The following CTNNA3 variants were observed in gnomAD, a reference collection of about 807,000 sequenced individuals.
The protein encoded by CTNNA3 is catenin alpha-3.
Under a neutral mutation model 95.7 loss-of-function variants are expected in CTNNA3, and 76 were observed. The ratio of observed to expected loss-of-function variants is 0.79; its 90% confidence interval spans 0.66 to 0.96. The LOEUF is 0.96. Among genes scored for constraint, CTNNA3 ranks in the 40% least tolerant of loss-of-function variants. CTNNA3 has a pLI of 0.00. For missense variants in CTNNA3, 1,191 were observed against 1,089.8 expected (o/e 1.09, Z -1.31); for synonymous variants, 431 against 374.4 (o/e 1.15, Z -1.74).
intron 7 of CTNNA3, among the ~76,000 whole-genome samples, chr10:67,064,378 G>T (rs906974985): frequency 2.0e-4 from 30 of 152,092 alleles, no homozygotes; most frequent in African/African-American, 6.7e-4. Flanking sequence ...CATATTTATT[G>T]CTAGTACTAG....
intron 7 of CTNNA3, among the ~76,000 whole-genome samples, chr10:66,989,750 T>C (rs963768427): frequency 5.3e-5 from 8 of 152,090 alleles, no homozygotes; most frequent in African/African-American, 1.7e-4. Flanking sequence ...CCTCAGAAAA[T>C]TCATTTTCAT....
chr10:67,511,471 G>A (rs1839626493), intron 5 of CTNNA3, among the ~76,000 whole-genome samples: 2 of 152,072 alleles, frequency 1.3e-5, no homozygotes, highest in South Asian at 4.1e-4. Flanking sequence ...TTTTGTAGTC[G>A]GTTCTGTTTA....
chr10:67,369,859 G>A (rs1395824355), intron 5 of CTNNA3, among the ~76,000 whole-genome samples: 1 of 152,134 alleles, frequency 6.6e-6, no homozygotes, highest in Non-Finnish European at 1.5e-5. Flanking sequence ...CCATGAGAAT[G>A]TAAATTAGTA....
intron 7 of CTNNA3, among the ~76,000 whole-genome samples, chr10:67,178,919 A>G (rs926768641): frequency 1.3e-5 from 2 of 152,046 alleles, no homozygotes; most frequent in South Asian, 2.1e-4. Context: ...TGTCTAGGAC[A>G]TGACAATACT....
At chr10:67,620,950 TAC>T (rs1217909763) in intron 2 of CTNNA3, among the ~76,000 whole-genome samples, 107 of 144,350 alleles carry the variant, frequency 7.4e-4, no homozygotes, top group African/African-American at 2.6e-3. Context: ...TATATATATA[TAC>T]AGAAATGTGG....
intron 1 of CTNNA3, among the ~76,000 whole-genome samples, chr10:67,724,537 C>T (rs944266212): frequency 6.6e-6 from 1 of 152,104 alleles, no homozygotes; most frequent in African/African-American, 2.4e-5. Flanking sequence ...ACTGGCTTCT[C>T]CAAAGCCACA....
intron 12 of CTNNA3, among the ~76,000 whole-genome samples, chr10:66,312,598 G>A (rs2092036852): frequency 6.6e-6 from 1 of 151,664 alleles, no homozygotes; most frequent in Admixed American, 6.6e-5. Flanking sequence ...CCAGGTTGGA[G>A]TACAATGGCA....
chr10:66,810,304 G>A (rs1304543167), intron 7 of CTNNA3, among the ~76,000 whole-genome samples: 2 of 152,004 alleles, frequency 1.3e-5, no homozygotes, highest in East Asian at 3.9e-4. Flanking sequence ...CAGTAGTTCT[G>A]GCAAGCACAT....
At chr10:67,675,233 T>A (rs1343260097) in intron 1 of CTNNA3, among the ~76,000 whole-genome samples, 1 of 152,152 alleles carries the variant, frequency 6.6e-6, no homozygotes, top group African/African-American at 2.4e-5. Context: ...TAAATGACTT[T>A]TGTTAAATGA....
intron 9 of CTNNA3, among the ~76,000 whole-genome samples, chr10:66,693,577 C>G (rs1227412842): frequency 6.6e-6 from 1 of 151,564 alleles, no homozygotes; most frequent in African/African-American, 2.4e-5. Flanking sequence ...ACAAGGATAC[C>G]CAGGAATTGA....
chr10:66,437,046 C>T (rs1458599953), intron 11 of CTNNA3, among the ~76,000 whole-genome samples: 1 of 152,098 alleles, frequency 6.6e-6, no homozygotes, highest in Non-Finnish European at 1.5e-5. Flanking sequence ...AGGGTTTCTG[C>T]CAAGAGATCC....
At chr10:66,890,010 T>G (rs886659036) in intron 7 of CTNNA3, among the ~76,000 whole-genome samples, 1 of 152,060 alleles carries the variant, frequency 6.6e-6, no homozygotes, top group African/African-American at 2.4e-5. Flanking sequence ...AGGCTGGTCT[T>G]GAACTCCTGA....
At chr10:67,417,021 A>G (rs540408327) in intron 5 of CTNNA3, among the ~76,000 whole-genome samples, 2 of 152,344 alleles carry the variant, frequency 1.3e-5, no homozygotes, top group Admixed American at 6.5e-5. Flanking sequence ...GCTAGTCACA[A>G]TAGCAAAGAC....
intron 5 of CTNNA3, among the ~76,000 whole-genome samples, chr10:67,431,800 G>A (rs1846120201): frequency 6.6e-6 from 1 of 151,940 alleles, no homozygotes; most frequent in African/African-American, 2.4e-5. Context: ...GGCTTAAAAT[G>A]AAATTAATCA....
intron 11 of CTNNA3, among the ~76,000 whole-genome samples, chr10:66,444,240 A>T (rs917509095): frequency 6.6e-6 from 1 of 152,192 alleles, no homozygotes; most frequent in Non-Finnish European, 1.5e-5. Flanking sequence ...ACCAAGTTGG[A>T]AAACACTCTG....
intron 7 of CTNNA3, among the ~76,000 whole-genome samples, chr10:67,088,704 A>G (rs529100516): frequency 6.6e-6 from 1 of 152,168 alleles, no homozygotes; most frequent in African/African-American, 2.4e-5. Context: ...ATTTCACTAT[A>G]ATGAAGTTTT....
intron 9 of CTNNA3, among the ~76,000 whole-genome samples, chr10:66,662,641 C>A (rs1331575653): frequency 6.6e-6 from 1 of 152,108 alleles, no homozygotes; most frequent in Non-Finnish European, 1.5e-5. Flanking sequence ...TCTTAAGCAC[C>A]AGATCCCATC....
chr10:67,352,910 A>C (rs1842685214), intron 5 of CTNNA3, among the ~76,000 whole-genome samples: 1 of 151,914 alleles, frequency 6.6e-6, no homozygotes, highest in Non-Finnish European at 1.5e-5. Flanking sequence ...TCTATCCATC[A>C]CAGATATTAA....
chr10:66,247,492 G>A (rs1201409799), intron 13 of CTNNA3, among the ~76,000 whole-genome samples: 1 of 152,002 alleles, frequency 6.6e-6, no homozygotes, highest in Non-Finnish European at 1.5e-5. Context: ...AGTACAATAG[G>A]GTTATAGAAC....
Sources: gnomAD v4.1 joint callset for allele counts (sites outside exome capture counted in the v4.1 genomes callset) on GRCh38, gnomAD v4.1.1 for gene constraint, MANE v1.5 for transcripts, NCBI Gene and HGNC (gene_info 2026-07-23, HGNC 2026-07-21) for gene names.